RPS6KC1: variants seen among roughly 807,000 people sequenced by gnomAD.
RPS6KC1 encodes ribosomal protein S6 kinase C1.
A neutral mutation model predicts 103.8 loss-of-function variants in RPS6KC1; 54 were observed. The observed-to-expected ratio is 0.52, with a 90% CI of 0.42 to 0.65. RPS6KC1 has a LOEUF of 0.65. RPS6KC1 is among the 30% of genes least tolerant of loss of function. The pLI is 0.00. For missense variants in RPS6KC1, 1,151 were observed against 1,253.8 expected, an observed-to-expected ratio of 0.92 and a Z score of 1.24; for synonymous variants, 439 against 438.7, an observed-to-expected ratio of 1.00 and a Z score of -0.01.
the RPS6KC1 span, among the ~76,000 whole-genome samples, chr1:213,592,831 T>C: frequency 6.6e-6 from 1 of 152,166 alleles, no homozygotes; most frequent in South Asian, 2.1e-4. Flanking sequence ...GAAGCAGACA[T>C]TGACAAGCCA....
intron 8 of RPS6KC1, among the ~76,000 whole-genome samples, chr1:213,178,563 A>AC (rs1458576505): frequency 6.6e-6 from 1 of 152,056 alleles, no homozygotes; most frequent in African/African-American, 2.4e-5. Context: ...AAACAAACAA[A>AC]AAAAAACACA....
the RPS6KC1 span, among the ~76,000 whole-genome samples, chr1:213,453,174 C>T: frequency 3.3e-5 from 5 of 151,968 alleles, no homozygotes; most frequent in South Asian, 2.1e-4. Flanking sequence ...TACTCCTGGA[C>T]GGTAAGGAGA....
chr1:213,779,361 T>A, the RPS6KC1 span, among the ~76,000 whole-genome samples: 1 of 152,120 alleles, frequency 6.6e-6, no homozygotes, highest in Non-Finnish European at 1.5e-5. Flanking sequence ...TCCGGACAAG[T>A]CTCCTTCACC....
the RPS6KC1 span, among the ~76,000 whole-genome samples, chr1:213,808,656 G>A: frequency 6.6e-6 from 1 of 152,234 alleles, no homozygotes; most frequent in Non-Finnish European, 1.5e-5. Flanking sequence ...GGGTGGGAGT[G>A]ACCCGATTTT....
At chr1:213,157,024 T>G (rs1024445127) in intron 6 of RPS6KC1, among the ~76,000 whole-genome samples, 1 of 152,166 alleles carries the variant, frequency 6.6e-6, no homozygotes, top group African/African-American at 2.4e-5. Flanking sequence ...TATCTTGTTT[T>G]CAATGTTGGT....
At chr1:213,501,871 A>G in the RPS6KC1 span, among the ~76,000 whole-genome samples, 99 of 152,330 alleles carry the variant, frequency 6.5e-4, 1 homozygote, top group East Asian at 0.018. Flanking sequence ...ATAGATACTG[A>G]TTTATTTGTC....
At chr1:213,524,139 A>G in the RPS6KC1 span, among the ~76,000 whole-genome samples, 48 of 152,204 alleles carry the variant, frequency 3.2e-4, no homozygotes, top group Non-Finnish European at 6.8e-4. Context: ...TTTTCTGCCC[A>G]TAGCAGGTTG....
In RPS6KC1 at chr1:213,242,285, T is replaced by C. The variant is rs780143247; in HGVS notation, c.2809T>C (p.Leu937=). The part of the protein sequence containing the change: ...CRDLNPNNIL[L]NDRGHIQLTY... ...CGATTTGAACCCAAACAACATCTTA[T>C]TGAATGATAGAGGTCAGGAACTTTT... Residue 937 remains leucine, a synonymous_variant, in exon 11 of 15, where the codon TTG becomes CTG. Coordinates refer to ENST00000366960, the MANE Select transcript of RPS6KC1 (RefSeq NM_012424.6). 7 of 1,613,764 alleles carry C rather than the reference T, an allele frequency of 4.3e-6. No homozygotes were observed. The highest frequency in any genetic ancestry group is 2.2e-5 in the South Asian group (2 of 91,066).
In RPS6KC1 at chr1:213,077,743, A is replaced by G; in HGVS notation, c.189A>G (p.Glu63=). 1.3e-6 allele frequency: 2 copies of G among 1,536,792 alleles called. No homozygotes were observed. Among genetic ancestry groups the G allele is most frequent in the East Asian group, 2.3e-5 (1 of 43,264 alleles). Residue 63 remains glutamate (E), a synonymous_variant, in exon 3 of 15, where the codon GAA becomes GAG. Coordinates refer to ENST00000366960, the MANE Select transcript of RPS6KC1 (RefSeq NM_012424.6). ...RYSDFKKLHK[E]LWQIHKNLFR... is the part of the protein sequence containing the mutation. ...GTGATTTTAAGAAACTACACAAAGA[A>G]CTATGGCAAATTCACAAAAACTTAT...
At chr1:213,780,418 C>G in the RPS6KC1 span, among the ~76,000 whole-genome samples, 4 of 152,150 alleles carry the variant, frequency 2.6e-5, no homozygotes, top group Non-Finnish European at 5.9e-5. Flanking sequence ...TCTATAGGAG[C>G]TCTGTGCAGA....
chr1:213,534,278 A>C, the RPS6KC1 span, among the ~76,000 whole-genome samples: 2 of 152,214 alleles, frequency 1.3e-5, no homozygotes, highest in African/African-American at 2.4e-5. Flanking sequence ...AAAGATGCAA[A>C]ATTTAAGGCC....
the RPS6KC1 span, among the ~76,000 whole-genome samples, chr1:213,731,098 G>A: frequency 2.6e-5 from 4 of 151,840 alleles, no homozygotes; most frequent in East Asian, 3.9e-4. Flanking sequence ...TCTTATTTCT[G>A]GGTTCTCTAT....
At chr1:213,504,106 A>G in the RPS6KC1 span, among the ~76,000 whole-genome samples, 1 of 152,112 alleles carries the variant, frequency 6.6e-6, no homozygotes, top group East Asian at 1.9e-4. Context: ...ACATAATATT[A>G]TGTTAATGCC....
At chr1:213,554,759 C>G in the RPS6KC1 span, among the ~76,000 whole-genome samples, 2 of 152,190 alleles carry the variant, frequency 1.3e-5, no homozygotes, top group Non-Finnish European at 2.9e-5. Context: ...TCTCTTATAT[C>G]CTGATGCAGA....
At chr1:213,419,128 T>G in the RPS6KC1 span, among the ~76,000 whole-genome samples, 2 of 152,214 alleles carry the variant, frequency 1.3e-5, no homozygotes, top group Non-Finnish European at 2.9e-5. Context: ...CTCAGTGCAG[T>G]TACTTTGGCT....
At chr1:213,508,738 T>C in the RPS6KC1 span, among the ~76,000 whole-genome samples, 4 of 152,246 alleles carry the variant, frequency 2.6e-5, no homozygotes, top group South Asian at 2.1e-4. Flanking sequence ...GTCAAATGAT[T>C]GACACCACCA....
intron 8 of RPS6KC1, among the ~76,000 whole-genome samples, chr1:213,177,915 G>A (rs530712445): frequency 6.6e-6 from 1 of 152,034 alleles, no homozygotes; most frequent in East Asian, 1.9e-4. Context: ...TTTAAATAAG[G>A]GCTTTTGGCT....
chr1:213,747,445 G>T, the RPS6KC1 span, among the ~76,000 whole-genome samples: 1 of 152,166 alleles, frequency 6.6e-6, no homozygotes, highest in Non-Finnish European at 1.5e-5. Flanking sequence ...TCCTTTGAAG[G>T]ATTCCACTGC....
At chr1:213,674,652 A>G in the RPS6KC1 span, among the ~76,000 whole-genome samples, 2 of 152,208 alleles carry the variant, frequency 1.3e-5, no homozygotes, top group African/African-American at 4.8e-5. Flanking sequence ...TCTTTTGGAT[A>G]TAAACCCAGT....
Sources: gnomAD v4.1 joint callset for allele counts (sites outside exome capture counted in the v4.1 genomes callset) on GRCh38, gnomAD v4.1.1 for gene constraint, MANE v1.5 for transcripts, NCBI Gene and HGNC (gene_info 2026-07-23, HGNC 2026-07-21) for gene names.